Variants in MAGI2 observed in about 807,000 individuals in gnomAD.
MAGI2 encodes the protein membrane associated guanylate kinase, WW and PDZ domain containing 2.
A neutral mutation model predicts 133.3 loss-of-function variants in MAGI2; 35 were observed. The ratio of observed to expected loss-of-function variants is 0.26; its 90% CI spans 0.20 to 0.35. The LOEUF (loss-of-function observed/expected upper bound fraction) is 0.35. Among genes scored for constraint, MAGI2 ranks in the 10% least tolerant of loss-of-function variants. The pLI is 1.00. For missense variants in MAGI2, 1,636 were observed against 1,863.4 expected (o/e 0.88, Z 2.25); for synonymous variants, 729 against 710.6 (o/e 1.03, Z -0.41).
At chr7:78,688,438 G>T (rs1378616982) in intron 2 of MAGI2, among the ~76,000 whole-genome samples, 1 of 151,934 alleles carries the variant, frequency 6.6e-6, no homozygotes, top group Non-Finnish European at 1.5e-5. Flanking sequence ...TTAACAACTG[G>T]TTTCTTTTTT....
intron 1 of MAGI2, among the ~76,000 whole-genome samples, chr7:79,172,296 T>C (rs7803600): frequency 0.054 from 8,278 of 152,142 alleles, 460 homozygotes; most frequent in East Asian, 0.16. Context: ...TTATTGATTT[T>C]GGAACATTAT....
intron 3 of MAGI2, among the ~76,000 whole-genome samples, chr7:78,610,412 C>T (rs1806313927): frequency 1.3e-5 from 2 of 152,110 alleles, no homozygotes; most frequent in African/African-American, 2.4e-5. Context: ...TCTTAAAGGG[C>T]ATCCAGCTCA....
chr7:78,379,964 A>G (rs1273575733), intron 6 of MAGI2, among the ~76,000 whole-genome samples: 3 of 151,002 alleles, frequency 2.0e-5, no homozygotes, highest in African/African-American at 7.3e-5. Context: ...TGTTAACTGA[A>G]ATTGCATATT....
At chr7:79,351,450 A>C (rs1161789527) in intron 1 of MAGI2, among the ~76,000 whole-genome samples, 1 of 152,184 alleles carries the variant, frequency 6.6e-6, no homozygotes, top group Non-Finnish European at 1.5e-5. Flanking sequence ...AATGAAAATA[A>C]TACTAGAAGA....
At chr7:78,568,713 G>A (rs1395744853) in intron 3 of MAGI2, among the ~76,000 whole-genome samples, 1 of 151,988 alleles carries the variant, frequency 6.6e-6, no homozygotes, top group East Asian at 1.9e-4. Context: ...TCTCCACACA[G>A]AAGCAAGAGT....
At chr7:79,125,397 C>A in intron 1 of MAGI2, 1 of 488,106 alleles carries the variant, frequency 2.0e-6, no homozygotes, top group South Asian at 1.5e-5. Flanking sequence ...GAGGAAACCT[C>A]AGGGGTCATG....
chr7:79,096,374 C>T (rs993422082), intron 1 of MAGI2, among the ~76,000 whole-genome samples: 5 of 152,186 alleles, frequency 3.3e-5, no homozygotes, highest in Admixed American at 1.3e-4. Context: ...TGCTCCCTGC[C>T]ATGCCCCTTC....
chr7:78,879,855 T>A (rs1795712457), intron 2 of MAGI2, among the ~76,000 whole-genome samples: 1 of 152,034 alleles, frequency 6.6e-6, no homozygotes, highest in South Asian at 2.1e-4. Flanking sequence ...TCCAGAAAAC[T>A]TCTTAACATA....
chr7:78,587,866 T>C (rs1803585633), intron 3 of MAGI2, among the ~76,000 whole-genome samples: 1 of 152,210 alleles, frequency 6.6e-6, no homozygotes, highest in Admixed American at 6.5e-5. Flanking sequence ...CATAAAGGTA[T>C]AAATAAAATG....
At chr7:78,925,037 G>A (rs1799586566) in intron 2 of MAGI2, among the ~76,000 whole-genome samples, 2 of 151,836 alleles carry the variant, frequency 1.3e-5, no homozygotes, top group South Asian at 2.1e-4. Context: ...AACCCTAAAA[G>A]ATAATTAGAG....
chr7:78,428,370 T>C (rs1362049634), intron 6 of MAGI2, among the ~76,000 whole-genome samples: 3 of 152,188 alleles, frequency 2.0e-5, no homozygotes, highest in African/African-American at 4.8e-5. Flanking sequence ...TAAATGCAAA[T>C]GTTTATCTTG....
intron 3 of MAGI2, among the ~76,000 whole-genome samples, chr7:78,576,163 A>T (rs1802245701): frequency 6.6e-6 from 1 of 152,148 alleles, no homozygotes; most frequent in Non-Finnish European, 1.5e-5. Context: ...AAAACAACAA[A>T]AACAACAACA....
At chr7:78,923,953 G>A (rs1246948326) in intron 2 of MAGI2, among the ~76,000 whole-genome samples, 2 of 152,104 alleles carry the variant, frequency 1.3e-5, no homozygotes, top group African/African-American at 4.8e-5. Flanking sequence ...TCTCTTTGAA[G>A]CAATTGTGAG....
chr7:79,189,312 CAAAA>C (rs34814587), intron 1 of MAGI2, among the ~76,000 whole-genome samples: 7 of 74,288 alleles, frequency 9.4e-5, no homozygotes, highest in East Asian at 4.1e-4. Context: ...TTTTTATAGG[CAAAA>C]AAAAAAAAAA....
intron 21 of MAGI2, among the ~76,000 whole-genome samples, chr7:78,049,331 AG>A (rs1406944499): frequency 6.6e-6 from 1 of 152,200 alleles, no homozygotes; most frequent in Non-Finnish European, 1.5e-5. Context: ...ACAAGTGTAA[AG>A]ATGAGGAATA....
intron 3 of MAGI2, among the ~76,000 whole-genome samples, chr7:78,568,715 A>G (rs1365146040): frequency 6.6e-6 from 1 of 152,146 alleles, no homozygotes; most frequent in Non-Finnish European, 1.5e-5. Flanking sequence ...TCCACACAGA[A>G]GCAAGAGTGA....
chr7:78,729,182 A>G (rs1344338837), intron 2 of MAGI2, among the ~76,000 whole-genome samples: 1 of 152,218 alleles, frequency 6.6e-6, no homozygotes, highest in Non-Finnish European at 1.5e-5. Context: ...ACATTGGTTT[A>G]GTGCCAATAT....
At chr7:79,322,779 CA>C (rs57276019) in intron 1 of MAGI2, among the ~76,000 whole-genome samples, 2,341 of 136,322 alleles carry the variant, frequency 0.017, 62 homozygotes, top group African/African-American at 0.056. Flanking sequence ...GAGACTGTCT[CA>C]AAAAAAAAAA....
At chr7:79,288,320 C>T (rs972840447) in intron 1 of MAGI2, among the ~76,000 whole-genome samples, 2 of 152,120 alleles carry the variant, frequency 1.3e-5, no homozygotes, top group African/African-American at 2.4e-5. Flanking sequence ...CTCTATAAAA[C>T]ATAATAGTGC....
Sources: gnomAD v4.1 joint callset for allele counts (sites outside exome capture counted in the v4.1 genomes callset) on GRCh38, gnomAD v4.1.1 for gene constraint, MANE v1.5 for transcripts, NCBI Gene and HGNC (gene_info 2026-07-23, HGNC 2026-07-21) for gene names.